The following RASD2 variants were observed in gnomAD, a reference collection of about 807,000 sequenced individuals.
RASD2 encodes the protein GTP-binding protein Rhes.
Under a neutral mutation model 15.8 loss-of-function variants are expected in RASD2, and 7 were observed. That is an observed-to-expected ratio of 0.44 (90% CI 0.25 to 0.83). The LOEUF is 0.83. RASD2 is among the 40% of genes least tolerant of loss of function. The probability of loss-of-function intolerance (pLI) is 0.20; values close to 1 mark genes in which losing one functional copy is unlikely to be tolerated. For missense variants in RASD2, 274 were observed against 382.8 expected (o/e 0.72, Z 2.37); for synonymous variants, 155 against 153.6 (o/e 1.01, Z -0.07).
upstream of RASD2, among the ~76,000 whole-genome samples, chr22:35,537,257 G>A (rs1169769745): frequency 1.3e-5 from 2 of 152,190 alleles, no homozygotes; most frequent in East Asian, 3.9e-4. Context: ...TGTCCAAGGA[G>A]AGCTTGTACG....
chr22:35,539,509 C>T (rs959851232), upstream of RASD2, among the ~76,000 whole-genome samples: 7 of 152,208 alleles, frequency 4.6e-5, no homozygotes, highest in Non-Finnish European at 1.0e-4. Context: ...TTTTAAGCCT[C>T]CTGATATGTG....
chr22:35,551,514 A>G lies in RASD2; in HGVS notation c.283A>G (p.Ile95Val), dbSNP rs1301886300. 2 of 1,608,434 alleles carry G rather than the reference A, an allele frequency of 1.2e-6. No homozygotes were observed. The highest frequency in any genetic ancestry group is 2.2e-5 in the East Asian group (1 of 44,680). ...CTCTCTCCCTGCAGGGGATGTCTTC[A>G]TCCTGGTGTTCAGCCTGGATAACCG... ...RLSILTGDVF[I>V]LVFSLDNRES... The change falls in exon 3 of 3, where the codon ATC (isoleucine) becomes GTC (valine). Residue 95 changes from isoleucine (I) to valine (V), a missense_variant. Ile to Val is a conservative substitution (Grantham distance 29). Transcript: ENST00000216127. The surrounding 1 kb of genome is among the most constrained non-coding windows in gnomAD (Gnocchi z 4.9).
rs1444476596 is a variant in RASD2, at chr22:35,551,079, C to T, written c.272-424C>T. On this transcript the variant is annotated intron_variant, in intron 2 of 2. Transcript: ENST00000216127. This position sits in a 1 kb window ranked among gnomAD's most constrained non-coding sequence, Gnocchi z 4.9. ...GTGATCTGCCCAAGTCTGCTGGCAG[C>T]TAAGCGGATGAGGCCAGATGCAAAC... Among the ~76,000 whole-genome samples, 1 of 152,210 alleles carries T rather than the reference C, an allele frequency of 6.6e-6. No homozygotes were observed. The highest frequency in any genetic ancestry group is 2.4e-5 in the African/African-American group (1 of 41,452).
At chr22:35,537,913 G>A (rs377449883), upstream of RASD2, among the ~76,000 whole-genome samples, 23 of 151,792 alleles carry the variant, frequency 1.5e-4, 1 homozygote, top group Admixed American at 1.1e-3. Flanking sequence ...GGCCTTGTTC[G>A]CTAGGATAAG....
chr22:35,552,234 T>G lies in RASD2; in HGVS notation c.*202T>G. 1.5e-6 allele frequency: 1 copy of G among 662,320 alleles called. No individual in the cohort carries two copies. Among genetic ancestry groups the G allele is most frequent in the East Asian group, 2.8e-5 (1 of 36,290 alleles). The allele number at this position is 662,320 out of a possible 1,614,324, so 41.0% of individuals were successfully genotyped here. On this transcript the variant is annotated 3_prime_UTR_variant, in exon 3 of 3. Transcript: ENST00000216127. ...CCTGAGTCCGCTTGTCCACAGCTCCTTGGTGGTTTCATCTCCTCTGTGGGA... is the reference window on the plus strand; with the variant it reads ...CCTGAGTCCGCTTGTCCACAGCTCCGTGGTGGTTTCATCTCCTCTGTGGGA...
chr22:35,540,653 G>T (rs1037872956), upstream of RASD2, among the ~76,000 whole-genome samples: 1 of 152,180 alleles, frequency 6.6e-6, no homozygotes. Flanking sequence ...CGCCCTGCGG[G>T]TGACAGTGGG....
Position 35,552,120 on chromosome 22 carries a change from G to A in RASD2, c.*88G>A, listed in dbSNP as rs888796232. On this transcript the variant is annotated 3_prime_UTR_variant, in exon 3 of 3. Transcript: ENST00000216127. ...GTGCGCATCTCCCCACCGAGGCCCC[G>A]GCAGCAGTCTTGTTCACAGACCTTA... The A allele has an allele frequency of 2.7e-6, 4 of 1,469,886 alleles. No individual in the cohort carries two copies. The highest frequency in any genetic ancestry group is 2.6e-5 in the South Asian group (2 of 75,758). The allele number at this position is 1,469,886 out of a possible 1,614,324, so 91.1% of individuals were successfully genotyped here.
chr22:35,551,870 C>T lies in RASD2; in HGVS notation c.639C>T (p.His213=), dbSNP rs776320317. Residue 213 remains histidine (H), a synonymous_variant, in exon 3 of 3, where the codon CAC becomes CAT. Transcript: ENST00000216127. The surrounding 1 kb of genome is among the most constrained non-coding windows in gnomAD (Gnocchi z 4.9). ...CCGTGCAGTACGGTGACGCCTTCCACCCCAGGCCCTTCTGCATGCGCCGCG... is the reference window on the plus strand; with the variant it reads ...CCGTGCAGTACGGTGACGCCTTCCATCCCAGGCCCTTCTGCATGCGCCGCG... The part of the protein sequence containing the change: ...KISVQYGDAF[H]PRPFCMRRVK... The T allele has an allele frequency of 5.9e-5, 95 of 1,613,856 alleles. No individual in the cohort carries two copies. In the Admixed American group the frequency reaches 1.5e-3, roughly 26 times the overall value.
At chr22:35,545,669 T>C (rs1934481382) in intron 1 of RASD2, among the ~76,000 whole-genome samples, 1 of 152,050 alleles carries the variant, frequency 6.6e-6, no homozygotes, top group African/African-American at 2.4e-5. Context: ...AGAGAGGCCT[T>C]CAGAGAGCAG....
chr22:35,540,142 A>T (rs1473863724), upstream of RASD2, among the ~76,000 whole-genome samples: 1 of 152,110 alleles, frequency 6.6e-6, no homozygotes. Flanking sequence ...GCGAAGGAGG[A>T]GGGCGCTGGA....
At chr22:35,539,299 C>A (rs1395796652), upstream of RASD2, among the ~76,000 whole-genome samples, 1 of 152,140 alleles carries the variant, frequency 6.6e-6, no homozygotes, top group Non-Finnish European at 1.5e-5. Context: ...GGAGACAGGA[C>A]TTGAACGCCA....
upstream of RASD2, among the ~76,000 whole-genome samples, chr22:35,538,027 C>A (rs1367793209): frequency 6.6e-6 from 1 of 151,836 alleles, no homozygotes; most frequent in Non-Finnish European, 1.5e-5. Flanking sequence ...CTCACTGCAA[C>A]CTCTGCCTCC....
chr22:35,553,515 G>C lies in RASD2; in HGVS notation c.*1483G>C, dbSNP rs1028127228. Reference sequence around the variant, plus strand: ...ATTGGGTCTTTCTGAGGTTCAGAGAGGGTAAGTAACTTCCTCCAGGTCACA... The same window carrying C: ...ATTGGGTCTTTCTGAGGTTCAGAGACGGTAAGTAACTTCCTCCAGGTCACA... On this transcript the variant is annotated 3_prime_UTR_variant, in exon 3 of 3. Coordinates refer to ENST00000216127, the MANE Select transcript of RASD2 (RefSeq NM_014310.4). The C allele has an allele frequency of 6.6e-6, 1 of 152,416 alleles. No homozygotes were observed. Among genetic ancestry groups the C allele is most frequent in the Admixed American group, 6.5e-5 (1 of 15,282 alleles). The allele number at this position is 152,416 out of a possible 1,614,324, so 9.4% of individuals were successfully genotyped here.
chr22:35,547,835 C>G (rs1344585095), intron 2 of RASD2, among the ~76,000 whole-genome samples: 3 of 152,172 alleles, frequency 2.0e-5, no homozygotes, highest in African/African-American at 7.2e-5. Flanking sequence ...AGGATGGTCT[C>G]GATCTCCTGA....
intron 2 of RASD2, among the ~76,000 whole-genome samples, chr22:35,549,844 T>G (rs1405879283): frequency 6.6e-6 from 1 of 152,206 alleles, no homozygotes; most frequent in African/African-American, 2.4e-5. Context: ...GCAGCCATTC[T>G]GCCAGAAGCT....
At chr22:35,545,517 A>T (rs1240444502) in intron 1 of RASD2, among the ~76,000 whole-genome samples, 1 of 152,210 alleles carries the variant, frequency 6.6e-6, no homozygotes, top group Admixed American at 6.5e-5. Context: ...CGCCTTGTGC[A>T]GTATCCAACC....
chr22:35,547,404 G>A (rs1354112756), intron 2 of RASD2, among the ~76,000 whole-genome samples: 1 of 152,172 alleles, frequency 6.6e-6, no homozygotes, highest in Non-Finnish European at 1.5e-5. Flanking sequence ...TCCTTCTCCG[G>A]AAGATGACCC....
intron 2 of RASD2, among the ~76,000 whole-genome samples, chr22:35,549,486 C>T (rs1395344031): frequency 1.3e-5 from 2 of 152,198 alleles, no homozygotes; most frequent in African/African-American, 2.4e-5. Context: ...ATCGCAGTCT[C>T]GCATTTGAAT....
chr22:35,549,487 G>C (rs181195272), intron 2 of RASD2, among the ~76,000 whole-genome samples: 2 of 152,144 alleles, frequency 1.3e-5, no homozygotes, highest in African/African-American at 4.8e-5. Context: ...TCGCAGTCTC[G>C]CATTTGAATA....
Sources: gnomAD v4.1 joint callset for allele counts (sites outside exome capture counted in the v4.1 genomes callset) on GRCh38, gnomAD v4.1.1 for gene constraint, Gnocchi (gnomAD v3.1) non-coding constraint, MANE v1.5 for transcripts, NCBI Gene and HGNC (gene_info 2026-07-23, HGNC 2026-07-21) for gene names.